The following ULK4 variants were observed in gnomAD, a reference collection of about 807,000 sequenced individuals.
ULK4 encodes the protein unc-51 like kinase 4, also known as inactive serine/threonine-protein kinase ULK4.
In ULK4, 133 loss-of-function variants were observed where a neutral mutation model predicts 160.6. The observed-to-expected ratio is 0.83, with a 90% CI of 0.72 to 0.96. ULK4 has a LOEUF of 0.96. Ranked by LOEUF, ULK4 falls within the 40% of genes least tolerant of loss-of-function variation. ULK4 has a pLI of 0.00. For missense variants in ULK4, 1,580 were observed against 1,499.5 expected (o/e 1.05, Z -0.89); for synonymous variants, 534 against 539.8 (o/e 0.99, Z 0.15).
intron 35 of ULK4, among the ~76,000 whole-genome samples, chr3:41,373,479 A>C (rs988706489): frequency 6.6e-6 from 1 of 152,212 alleles, no homozygotes; most frequent in African/African-American, 2.4e-5. Context: ...AGGGTTAAGA[A>C]ACTCACTCAA....
chr3:41,852,641 T>A (rs980378414), intron 17 of ULK4, among the ~76,000 whole-genome samples: 2 of 151,778 alleles, frequency 1.3e-5, no homozygotes, highest in African/African-American at 4.8e-5. Flanking sequence ...AACAGAGAGA[T>A]AGAGAAAGAA....
Position 41,469,067 on chromosome 3 carries a change from C to G in ULK4, c.3227-5814G>C, listed in dbSNP as rs149835819. ...GTTCTACCTAGCTTAAATCTCTACA[C>G]AGTCAGCCTCCAGGACCAGCCTCAT... On this transcript the variant is annotated intron_variant, in intron 32 of 36. Coordinates refer to ENST00000301831, the MANE Select transcript of ULK4 (RefSeq NM_017886.4). Among the ~76,000 whole-genome samples the G allele has an allele frequency of 7.2e-5, 11 of 152,280 alleles. No individual in the cohort carries two copies. In the East Asian group the frequency reaches 2.1e-3, roughly 29 times the overall value.
intron 22 of ULK4, among the ~76,000 whole-genome samples, chr3:41,727,625 G>C (rs2037695082): frequency 6.6e-6 from 1 of 152,210 alleles, no homozygotes; most frequent in African/African-American, 2.4e-5. Context: ...CACAGTGTAA[G>C]AAAAGATCAG....
At chr3:41,873,147 A>G (rs1697165777) in intron 17 of ULK4, among the ~76,000 whole-genome samples, 1 of 152,078 alleles carries the variant, frequency 6.6e-6, no homozygotes, top group Admixed American at 6.5e-5. Flanking sequence ...GCGAGACTCC[A>G]TCTCAAATAA....
intron 17 of ULK4, among the ~76,000 whole-genome samples, chr3:41,848,976 T>A (rs576769805): frequency 4.6e-5 from 7 of 152,154 alleles, no homozygotes; most frequent in African/African-American, 7.2e-5. Context: ...GTGGAAATGA[T>A]GTATGTATTC....
intron 32 of ULK4, among the ~76,000 whole-genome samples, chr3:41,540,761 T>C (rs2086667521): frequency 6.6e-6 from 1 of 152,220 alleles, no homozygotes; most frequent in South Asian, 2.1e-4. Context: ...CTCATTGTGG[T>C]TTTGATTTGC....
rs1426134774 is a variant in ULK4 at position 41,652,595 on chromosome 3, G to A, written c.3071+11012C>T. ...AGAGGCTGAACTGAACAAGGATATA[G>A]ACTCAAACTACGAATCAAATAGTTC... On this transcript the variant is annotated intron_variant, in intron 30 of 36. Transcript: ENST00000301831. 3.3e-5 allele frequency among the ~76,000 whole-genome samples: 5 copies of A among 152,274 alleles called. No homozygotes were observed. In the East Asian group the frequency reaches 9.7e-4, roughly 29 times the overall value.
At chr3:41,512,430 G>C (rs2085609662) in intron 32 of ULK4, among the ~76,000 whole-genome samples, 1 of 152,104 alleles carries the variant, frequency 6.6e-6, no homozygotes, top group Non-Finnish European at 1.5e-5. Flanking sequence ...AAAGTTGCAG[G>C]ATATAAAATT....
intron 21 of ULK4, among the ~76,000 whole-genome samples, chr3:41,770,729 T>G (rs1278369496): frequency 2.0e-5 from 3 of 152,070 alleles, no homozygotes; most frequent in Non-Finnish European, 4.4e-5. Context: ...GCCAGGCTGG[T>G]CTTGAACTCC....
intron 31 of ULK4, among the ~76,000 whole-genome samples, chr3:41,609,159 G>C (rs1010244909): frequency 6.6e-6 from 1 of 151,838 alleles, no homozygotes; most frequent in Non-Finnish European, 1.5e-5. Context: ...TTTTCATTGG[G>C]TACAATATAT....
At chr3:41,317,655 A>G (rs2080171648) in intron 35 of ULK4, among the ~76,000 whole-genome samples, 1 of 152,192 alleles carries the variant, frequency 6.6e-6, no homozygotes, top group South Asian at 2.1e-4. Context: ...TCTTGGTCAA[A>G]TAATATATCC....
chr3:41,864,956 T>A (rs73081353), intron 17 of ULK4, among the ~76,000 whole-genome samples: 27,206 of 151,760 alleles, frequency 0.18, 2,510 homozygotes, highest in Middle Eastern at 0.32. Context: ...TGCCTCACAC[T>A]CAGAGCCAAA....
intron 27 of ULK4, among the ~76,000 whole-genome samples, chr3:41,688,319 C>T (rs886926604): frequency 9.2e-5 from 14 of 152,000 alleles, no homozygotes; most frequent in Non-Finnish European, 1.5e-4. Flanking sequence ...CTTAGGAGGC[C>T]GAGGTGGGAG....
At chr3:41,539,580 T>A (rs114223136) in intron 32 of ULK4, among the ~76,000 whole-genome samples, 1 of 152,134 alleles carries the variant, frequency 6.6e-6, no homozygotes, top group Admixed American at 6.6e-5. Flanking sequence ...GGAACAGGGA[T>A]AGACTATAGG....
chr3:41,465,357 T>A (rs556490487), intron 32 of ULK4, among the ~76,000 whole-genome samples: 27 of 152,328 alleles, frequency 1.8e-4, no homozygotes, highest in Middle Eastern at 3.4e-3. Context: ...CCAGAACACA[T>A]CTTATTTCTC....
intron 35 of ULK4, among the ~76,000 whole-genome samples, chr3:41,346,618 C>A (rs1197755645): frequency 6.6e-6 from 1 of 152,056 alleles, no homozygotes; most frequent in African/African-American, 2.4e-5. Flanking sequence ...CCATTTAATT[C>A]TTTTAGAATT....
At chr3:41,266,061 A>C in intron 35 of ULK4, among the ~76,000 whole-genome samples, 1 of 152,188 alleles carries the variant, frequency 6.6e-6, no homozygotes, top group African/African-American at 2.4e-5. Context: ...CTTGAGATAA[A>C]ATTAACTGAA....
chr3:41,299,249 G>A (rs908177802), intron 35 of ULK4, among the ~76,000 whole-genome samples: 12 of 152,192 alleles, frequency 7.9e-5, no homozygotes, highest in Non-Finnish European at 1.6e-4. Flanking sequence ...AACTGGCCCA[G>A]TCGTCCCAGT....
chr3:41,604,200 T>C (rs1292656061), intron 31 of ULK4, among the ~76,000 whole-genome samples: 1 of 151,574 alleles, frequency 6.6e-6, no homozygotes, highest in African/African-American at 2.4e-5. Context: ...AACTAAGAGG[T>C]CAATGTGGTA....
Sources: allele counts gnomAD v4.1 joint callset (sites outside exome capture counted in the v4.1 genomes callset), GRCh38; gene constraint gnomAD v4.1.1; transcripts MANE v1.5; gene names NCBI Gene and HGNC (gene_info 2026-07-23, HGNC 2026-07-21).